Variants in GALNS observed in about 807,000 individuals in gnomAD.
The protein encoded by GALNS is N-acetylgalactosamine-6-sulfatase.
A neutral mutation model predicts 65.9 loss-of-function variants in GALNS; 65 were observed. The observed-to-expected ratio is 0.99, with a 90% CI of 0.81 to 1.21. GALNS has a LOEUF of 1.21. GALNS is among the 50% of genes most tolerant of loss of function. The pLI, the probability that GALNS is intolerant of heterozygous loss-of-function variation, is 0.00. For synonymous variants in GALNS, 346 were observed against 288.9 expected (o/e 1.20, Z -2.00); for missense variants, 776 against 700.7 (o/e 1.11, Z -1.21).
In GALNS at chr16:88,822,574, C is replaced by G. The variant is rs745498854; in HGVS notation, c.1364+15G>C. The G allele has an allele frequency of 1.2e-5, 20 of 1,612,156 alleles. No homozygotes were observed. The East Asian group carries it at 4.2e-4, about 34-fold the overall frequency. ...GGCACTGCCTCAGCAGCCAGGAGGC[C>G]CTGCACCGACTCACCTGAGGGGGAA... On this transcript the variant is annotated intron_variant, in intron 12 of 13. Coordinates refer to ENST00000268695, the MANE Select transcript of GALNS (RefSeq NM_000512.5).
intron 3 of GALNS, among the ~76,000 whole-genome samples, chr16:88,841,588 T>C (rs1019087081): frequency 6.6e-5 from 10 of 152,198 alleles, no homozygotes; most frequent in African/African-American, 1.4e-4. Context: ...CTGCCGCTGA[T>C]GCCACAGCCC....
chr16:88,856,112 G>A (rs1967849285), intron 1 of GALNS: 14 of 697,256 alleles, frequency 2.0e-5, no homozygotes, highest in Non-Finnish European at 3.1e-5. Flanking sequence ...AGTTAGGGAA[G>A]GAGGCCTCCA....
intron 10 of GALNS, among the ~76,000 whole-genome samples, chr16:88,825,768 G>A (rs1910827005): frequency 6.6e-6 from 1 of 152,066 alleles, no homozygotes; most frequent in South Asian, 2.1e-4. Flanking sequence ...GGGGAGTGGG[G>A]GACGCAGCTG....
chr16:88,819,655 C>T (rs1761463725), intron 12 of GALNS, among the ~76,000 whole-genome samples: 1 of 152,200 alleles, frequency 6.6e-6, no homozygotes, highest in Non-Finnish European at 1.5e-5. Flanking sequence ...GCCTCAGTCT[C>T]TTGAGTAGCT....
chr16:88,842,058 G>A (rs1967000964), intron 2 of GALNS, 87 bp from the exon 3 acceptor site: 4 of 1,190,006 alleles, frequency 3.4e-6, no homozygotes, highest in Non-Finnish European at 4.9e-6. Context: ...CGAGTAGACA[G>A]ACGCGTGACA....
intron 13 of GALNS, among the ~76,000 whole-genome samples, chr16:88,817,685 CTGTCCCTCA>C (rs1909773991): frequency 6.6e-6 from 1 of 152,232 alleles, no homozygotes; most frequent in East Asian, 1.9e-4. Context: ...ACGCGCCCTG[CTGTCCCTCA>C]GTGACTTGTG....
chr16:88,825,987 A>G (rs1215269409), intron 10 of GALNS, among the ~76,000 whole-genome samples: 1 of 152,102 alleles, frequency 6.6e-6, no homozygotes, highest in Non-Finnish European at 1.5e-5. Context: ...GGCTGCTCTC[A>G]GGGGGTAGGA....
chr16:88,822,889 C>A (rs1910395500), intron 11 of GALNS, among the ~76,000 whole-genome samples, 179 bp from the exon 12 acceptor site: 1 of 152,124 alleles, frequency 6.6e-6, no homozygotes, highest in Non-Finnish European at 1.5e-5. Context: ...TAGCAGCGTC[C>A]CTGGTACTCA....
chr16:88,849,109 C>T (rs921234489), intron 1 of GALNS, among the ~76,000 whole-genome samples: 3 of 152,114 alleles, frequency 2.0e-5, no homozygotes, highest in Non-Finnish European at 2.9e-5. Context: ...GCTTTGGATC[C>T]CTTTTGAGAT....
At chr16:88,833,799 G>A (rs1440388096) in intron 8 of GALNS, among the ~76,000 whole-genome samples, 1 of 152,196 alleles carries the variant, frequency 6.6e-6, no homozygotes, top group Non-Finnish European at 1.5e-5. Flanking sequence ...GTCTTGTGCT[G>A]GGTGCTGGGT....
rs34745339 is a variant in GALNS at position 88,835,791 on chromosome 16, G to C, written c.692C>G (p.Ala231Gly). 89,181 of 1,614,094 alleles carry C rather than the reference G, an allele frequency of 0.055. 2,937 individuals carry two copies. The highest frequency in any genetic ancestry group is 0.11 in the Middle Eastern group (668 of 6,060). ...ARHHPFFLYWAVDATHAPVYA... is the reference protein window; with the variant it reads ...ARHHPFFLYWGVDATHAPVYA... ...GACGGGTGCGTGCGTGGCGTCGACA[G>C]CCCAGTAGAGGAAAAAGGGGTGGTG... The change falls in exon 7 of 14, where the codon GCT (alanine) becomes GGT (glycine). Residue 231 changes from alanine (A) to glycine (G), a missense_variant. Coordinates refer to ENST00000268695, the MANE Select transcript of GALNS (RefSeq NM_000512.5).
rs939690069 is a variant in GALNS at position 88,839,325 on chromosome 16, C to T, written c.423-1560G>A. On this transcript the variant is annotated intron_variant, in intron 4 of 13. Coordinates refer to ENST00000268695, the MANE Select transcript of GALNS (RefSeq NM_000512.5). Reference sequence around the variant, plus strand: ...GGTCACCGCCCGGCCACAGGGGACACTCGTGCTTCCACGTCCGCAGCACAA... The same window carrying T: ...GGTCACCGCCCGGCCACAGGGGACATTCGTGCTTCCACGTCCGCAGCACAA... 4.6e-5 allele frequency among the ~76,000 whole-genome samples: 7 copies of T among 152,238 alleles called. 1 individual carries two copies. Among genetic ancestry groups the T allele is most frequent in the African/African-American group, 1.7e-4 (7 of 41,450 alleles).
At chr16:88,855,595 A>G in intron 1 of GALNS, 1 of 653,820 alleles carries the variant, frequency 1.5e-6, no homozygotes, top group South Asian at 1.6e-5. Flanking sequence ...CTGGGTGGGG[A>G]AATTATGGGT....
intron 4 of GALNS, 101 bp from the exon 5 acceptor site, chr16:88,837,866 G>A (rs905980812): frequency 3.9e-6 from 5 of 1,274,098 alleles, no homozygotes; most frequent in African/African-American, 1.5e-5. Flanking sequence ...TTGGTAAGAC[G>A]AGCACCCTCC....
intron 1 of GALNS, among the ~76,000 whole-genome samples, chr16:88,853,727 A>T (rs139470510): frequency 6.6e-6 from 1 of 152,180 alleles, no homozygotes; most frequent in East Asian, 1.9e-4. Flanking sequence ...TCACTCACGC[A>T]GCAGGTGCCC....
intron 1 of GALNS, among the ~76,000 whole-genome samples, chr16:88,853,875 C>T (rs1287021226): frequency 6.6e-6 from 1 of 152,290 alleles, no homozygotes; most frequent in East Asian, 1.9e-4. Context: ...GCCAGCTGCT[C>T]TCACCCCTGA....
At chr16:88,820,417 T>C (rs1048834333) in intron 12 of GALNS, among the ~76,000 whole-genome samples, 1 of 152,178 alleles carries the variant, frequency 6.6e-6, no homozygotes, top group African/African-American at 2.4e-5. Flanking sequence ...GCATGAACCA[T>C]GGCGACCGGC....
chr16:88,833,250 C>T lies in GALNS; in HGVS notation c.899-1149G>A, dbSNP rs545417152. 5.3e-5 allele frequency among the ~76,000 whole-genome samples: 8 copies of T among 152,262 alleles called. No individual in the cohort carries two copies. In the South Asian group the frequency reaches 1.0e-3, roughly 20 times the overall value. ...AGGCAGCTCTGCTCAGAGCCCCTCA[C>T]GGGCAAACACGCCAACACCCGCAAC... On this transcript the variant is annotated intron_variant, in intron 8 of 13. Coordinates refer to ENST00000268695, the MANE Select transcript of GALNS (RefSeq NM_000512.5).
At chr16:88,843,385 G>T in intron 1 of GALNS, 1 of 420,964 alleles carries the variant, frequency 2.4e-6, no homozygotes, top group Non-Finnish European at 4.2e-6. Context: ...GCATACGAGC[G>T]TCCAGGGCAG....
Sources: gnomAD v4.1 joint callset for allele counts (sites outside exome capture counted in the v4.1 genomes callset) on GRCh38, gnomAD v4.1.1 for gene constraint, MANE v1.5 for transcripts, NCBI Gene and HGNC (gene_info 2026-07-23, HGNC 2026-07-21) for gene names.